Variants in ZNF148 observed in about 807,000 individuals in gnomAD.
The protein encoded by ZNF148 is zinc finger protein 148, also known as Beta-Enolase Repressor Factor-1.
ZNF148 carries 7 observed loss-of-function variants against 67.7 expected under a neutral mutation model. The ratio of observed to expected loss-of-function variants is 0.10; its 90% CI spans 0.06 to 0.19. ZNF148 has a LOEUF of 0.19. Among genes scored for constraint, ZNF148 ranks in the 10% least tolerant of loss-of-function variants. ZNF148 has a pLI of 1.00. For synonymous variants in ZNF148, 333 were observed against 330.7 expected, an observed-to-expected ratio of 1.01 and a Z score of -0.08; for missense variants, 583 against 947.1, an observed-to-expected ratio of 0.62 and a Z score of 5.05.
intron 2 of ZNF148, among the ~76,000 whole-genome samples, chr3:125,325,019 G>A (rs1363257420): frequency 6.6e-6 from 1 of 151,616 alleles, no homozygotes; most frequent in Non-Finnish European, 1.5e-5. Context: ...AGAGGGGAGG[G>A]GCTCATCACA....
intron 1 of ZNF148, among the ~76,000 whole-genome samples, chr3:125,355,323 C>G (rs1367635162): frequency 6.6e-6 from 1 of 152,138 alleles, no homozygotes; most frequent in East Asian, 1.9e-4. Flanking sequence ...ATCAGCACTA[C>G]TGACATTTTG....
In ZNF148 at chr3:125,279,265, A is replaced by G. The variant is rs1560135786; in HGVS notation, c.460-18T>C. On this transcript the variant is annotated intron_variant, in intron 5 of 8. Transcript: ENST00000360647. The stretch of plus-strand genomic sequence containing the variant: ...GTAAGGATCTAGTTCAAAAAAAAAA[A>G]GGCAAAAACAAAAGAAATAAGTTTT... The G allele has an allele frequency of 6.6e-7, 1 of 1,511,324 alleles. No homozygotes were observed. Among genetic ancestry groups the G allele is most frequent in the South Asian group, 1.4e-5 (1 of 73,960 alleles). The allele number at this position is 1,511,324 out of a possible 1,614,324, so 93.6% of individuals were successfully genotyped here.
chr3:125,317,640 CTT>C (rs1160224411), intron 3 of ZNF148, among the ~76,000 whole-genome samples: 1 of 39,442 alleles, frequency 2.5e-5, no homozygotes, highest in African/African-American at 1.0e-4. Context: ...ATAGTAAGAT[CTT>C]TTATATATAT....
intron 7 of ZNF148, among the ~76,000 whole-genome samples, chr3:125,270,094 C>A (rs1937652223): frequency 1.3e-5 from 2 of 151,946 alleles, no homozygotes; most frequent in South Asian, 4.1e-4. Flanking sequence ...TGCATATGTA[C>A]CCCCTGAATC....
intron 1 of ZNF148, among the ~76,000 whole-genome samples, chr3:125,335,034 TCA>T (rs1166962136): frequency 6.6e-6 from 1 of 152,048 alleles, no homozygotes; most frequent in Admixed American, 6.6e-5. Flanking sequence ...CCTCTTCCAG[TCA>T]CACCATTTGA....
At chr3:125,295,072 G>A (rs1404144838) in intron 4 of ZNF148, among the ~76,000 whole-genome samples, 1 of 152,014 alleles carries the variant, frequency 6.6e-6, no homozygotes, top group East Asian at 1.9e-4. Context: ...TTCCACATAT[G>A]AACTATAGTT....
At chr3:125,302,100 G>C (rs1332111158) in intron 4 of ZNF148, among the ~76,000 whole-genome samples, 2 of 151,632 alleles carry the variant, frequency 1.3e-5, no homozygotes, top group Non-Finnish European at 2.9e-5. Flanking sequence ...TTCATGGCCA[G>C]TTGTGGTGGC....
chr3:125,251,281 T>C (rs1238751235), intron 7 of ZNF148, among the ~76,000 whole-genome samples: 1 of 152,190 alleles, frequency 6.6e-6, no homozygotes, highest in Non-Finnish European at 1.5e-5. Context: ...AAATTAGTTT[T>C]CTCTTTTAAC....
intron 4 of ZNF148, among the ~76,000 whole-genome samples, chr3:125,298,288 TATAA>T (rs1939389460): frequency 1.3e-5 from 2 of 151,040 alleles, no homozygotes; most frequent in South Asian, 2.1e-4. Flanking sequence ...CGCTTTTCTG[TATAA>T]ATGTTACATT....
At chr3:125,251,147 G>A (rs1244553561) in intron 7 of ZNF148, among the ~76,000 whole-genome samples, 1 of 152,088 alleles carries the variant, frequency 6.6e-6, no homozygotes, top group African/African-American at 2.4e-5. Context: ...ATCAACTCAC[G>A]TAACCAGCAC....
intron 5 of ZNF148, 33 bp downstream of exon 5, chr3:125,288,070 G>A: frequency 6.2e-7 from 1 of 1,612,924 alleles, no homozygotes; most frequent in African/African-American, 1.3e-5. Context: ...GGAATTAAGA[G>A]GTTGTGATTA....
intron 7 of ZNF148, among the ~76,000 whole-genome samples, chr3:125,270,025 T>TGACA (rs1472667497): frequency 2.0e-5 from 3 of 152,176 alleles, no homozygotes; most frequent in South Asian, 4.2e-4. Flanking sequence ...ACTGTCTGGG[T>TGACA]GACAGGATTA....
chr3:125,360,279 G>A (rs1008802678), intron 1 of ZNF148, among the ~76,000 whole-genome samples: 1 of 151,778 alleles, frequency 6.6e-6, no homozygotes, highest in African/African-American at 2.4e-5. Flanking sequence ...TTTTTAGACA[G>A]GGTTTTTGTA....
intron 4 of ZNF148, among the ~76,000 whole-genome samples, chr3:125,296,158 A>G (rs1051028370): frequency 2.7e-5 from 4 of 148,732 alleles, no homozygotes; most frequent in East Asian, 2.0e-4. Flanking sequence ...GTCTCGCTCT[A>G]TCACCCAGAC....
chr3:125,272,449 TAC>T (rs1491524166), intron 7 of ZNF148, among the ~76,000 whole-genome samples: 1 of 152,172 alleles, frequency 6.6e-6, no homozygotes, highest in African/African-American at 2.4e-5. Flanking sequence ...ATACATAAAA[TAC>T]ATACACTTAA....
At chr3:125,256,111 T>A (rs966700550) in intron 7 of ZNF148, among the ~76,000 whole-genome samples, 19 of 151,732 alleles carry the variant, frequency 1.3e-4, no homozygotes, top group African/African-American at 4.6e-4. Context: ...GCAGTGTAAT[T>A]CCAGCACTTT....
At chr3:125,320,886 G>A (rs938356060) in intron 3 of ZNF148, among the ~76,000 whole-genome samples, 11 of 152,110 alleles carry the variant, frequency 7.2e-5, no homozygotes, top group African/African-American at 2.2e-4. Context: ...GTTTCTAACC[G>A]TGAGAAATTA....
chr3:125,357,033 G>C (rs1471057506), intron 1 of ZNF148: 1 of 152,248 alleles, frequency 6.6e-6, no homozygotes, highest in Non-Finnish European at 1.5e-5. Context: ...ATTTGTAAAA[G>C]AGGAATAAGA....
In ZNF148 at chr3:125,328,725, C is replaced by T. The variant is rs369380848; in HGVS notation, c.-153+2433G>A. On this transcript the variant is annotated intron_variant, in intron 2 of 8. Transcript: ENST00000360647. ...CTCCATAAAAGGGCAAAGCACATGA[C>T]CAAATTGGTAACTGAAAACACACAT... Among the ~76,000 whole-genome samples, 17 of 151,820 alleles carry T rather than the reference C, an allele frequency of 1.1e-4. No homozygotes were observed. The East Asian group carries it at 3.3e-3, about 29-fold the overall frequency.
Sources: allele counts gnomAD v4.1 joint callset (sites outside exome capture counted in the v4.1 genomes callset), GRCh38; gene constraint gnomAD v4.1.1; transcripts MANE v1.5; gene names NCBI Gene and HGNC (gene_info 2026-07-23, HGNC 2026-07-21).